Variants in ZFYVE19 observed in about 807,000 individuals in gnomAD.
ZFYVE19 encodes zinc finger FYVE-type containing 19.
Under a neutral mutation model 62.8 loss-of-function variants are expected in ZFYVE19, and 49 were observed. The ratio of observed to expected loss-of-function variants is 0.78; its 90% CI spans 0.62 to 0.99. The LOEUF (loss-of-function observed/expected upper bound fraction) is 0.99. Among genes scored for constraint, ZFYVE19 ranks in the 50% least tolerant of loss-of-function variants. ZFYVE19 has a pLI of 0.00. For synonymous variants in ZFYVE19, 242 were observed against 234.3 expected, an observed-to-expected ratio of 1.03 and a Z score of -0.30; for missense variants, 630 against 601.9, an observed-to-expected ratio of 1.05 and a Z score of -0.49.
At chr15:40,809,010 C>A in intron 1 of ZFYVE19, 109 bp from the exon 2 acceptor site, 1 of 1,514,288 alleles carries the variant, frequency 6.6e-7, no homozygotes, top group Admixed American at 1.9e-5. Context: ...TTCCTCCCAG[C>A]AGCTGGTCAT....
rs1890255051 is a variant in ZFYVE19, at chr15:40,807,109, G to A, written c.-481G>A. ...CTAGCGTTCCTTGCTGCCTCGCCCC[G>A]CGGCCTCTAGGAGACAGGGGCCACG... On this transcript the variant is annotated 5_prime_UTR_variant, in exon 1 of 11. Coordinates refer to ENST00000355341, the MANE Select transcript of ZFYVE19 (RefSeq NM_001077268.2). 2 of 803,304 alleles carry A rather than the reference G, an allele frequency of 2.5e-6. No homozygotes were observed. The highest frequency in any genetic ancestry group is 3.7e-5 in the South Asian group (2 of 53,782). 49.8% of individuals were successfully genotyped at this position (803,304 alleles called of 1,614,324 possible). A position where few individuals can be genotyped will look rare whatever the true frequency, so the allele number is the denominator to read the frequency against.
intron 2 of ZFYVE19, 55 bp from the exon 3 acceptor site, chr15:40,809,353 G>T (rs774049365): frequency 6.3e-5 from 102 of 1,613,586 alleles, no homozygotes; most frequent in Non-Finnish European, 8.1e-5. Flanking sequence ...TTTGGAGTGG[G>T]GGGCACTGCC....
chr15:40,808,578 C>A, intron 1 of ZFYVE19: 1 of 594,906 alleles, frequency 1.7e-6, no homozygotes, highest in South Asian at 2.3e-5. Flanking sequence ...CCTCTCTGGC[C>A]CTCTCAAAAT....
At position 40,814,374 on chromosome 15, in the gene ZFYVE19, G is replaced by A. The variant is rs1201011489; in HGVS notation, c.*148G>A. 1.1e-6 allele frequency: 1 copy of A among 888,460 alleles called. No homozygotes were observed. The highest frequency in any genetic ancestry group is 2.7e-5 in the East Asian group (1 of 37,648). 55.0% of individuals were successfully genotyped at this position (888,460 alleles called of 1,614,324 possible). ...TGAGCCTTGGTGTCCCTGGAATGAGGAAAGATTCTCCATTCGAGAGAATGA... is the reference window on the plus strand; with the variant it reads ...TGAGCCTTGGTGTCCCTGGAATGAGAAAAGATTCTCCATTCGAGAGAATGA... On this transcript the variant is annotated 3_prime_UTR_variant, in exon 11 of 11. Transcript: ENST00000355341.
rs866645484 is a variant in ZFYVE19 at position 40,809,011 on chromosome 15, A to G, written c.280-108A>G. The G allele has an allele frequency of 2.6e-5, 39 of 1,518,420 alleles. 2 individuals carry two copies. In the Middle Eastern group the frequency reaches 4.5e-3, roughly 177 times the overall value. 94.1% of individuals were successfully genotyped at this position (1,518,420 alleles called of 1,614,324 possible). A position where few individuals can be genotyped will look rare whatever the true frequency, so the allele number is the denominator to read the frequency against. On this transcript the variant is annotated intron_variant, in intron 1 of 10. Transcript: ENST00000355341. The stretch of plus-strand genomic sequence containing the variant: ...CCCCACTCCTCTTCTTCCTCCCAGC[A>G]GCTGGTCATAACTTCAGTGACTTCT...
intron 10 of ZFYVE19, 25 bp from the exon 11 acceptor site, chr15:40,814,123 T>A (rs1289622541): frequency 6.2e-7 from 1 of 1,614,232 alleles, no homozygotes; most frequent in Non-Finnish European, 8.5e-7. Context: ...CCTGGATCCC[T>A]GACTTGTATC....
Position 40,813,320 on chromosome 15 carries a change from C to T in ZFYVE19, c.1031-18C>T. On this transcript the variant is annotated intron_variant, in intron 7 of 10. Coordinates refer to ENST00000355341, the MANE Select transcript of ZFYVE19 (RefSeq NM_001077268.2). ...CTCTCACTCCCCCATCCCCTGTTCC[C>T]ATGTCTCCCTCTTCAAGTGACCCTC... The T allele has an allele frequency of 6.2e-7, 1 of 1,612,228 alleles. No homozygotes were observed.
chr15:40,811,625 A>C (rs1890490548), intron 6 of ZFYVE19, among the ~76,000 whole-genome samples: 1 of 152,164 alleles, frequency 6.6e-6, no homozygotes, highest in Admixed American at 6.5e-5. Flanking sequence ...AATCCTAAGC[A>C]CTTAAGGAGG....
At chr15:40,808,564 G>A (rs1890358793) in intron 1 of ZFYVE19, 2 of 733,174 alleles carry the variant, frequency 2.7e-6, no homozygotes, top group Non-Finnish European at 4.2e-6. Flanking sequence ...GATAAGTTAT[G>A]TAACCTCTCT....
chr15:40,808,462 G>T, intron 1 of ZFYVE19: 3 of 1,542,696 alleles, frequency 1.9e-6, no homozygotes. Flanking sequence ...CACGCAGGAA[G>T]GCAGGACCGT....
At chr15:40,812,518 C>T (rs1406408182) in intron 6 of ZFYVE19, among the ~76,000 whole-genome samples, 181 bp from the exon 7 acceptor site, 1 of 147,800 alleles carries the variant, frequency 6.8e-6, no homozygotes, top group Non-Finnish European at 1.5e-5. Flanking sequence ...TGCACTCCGG[C>T]CTGGGTGACA....
rs781072010 is a variant in ZFYVE19, at chr15:40,807,746, G to T, written c.157G>T (p.Gly53Cys). The T allele has an allele frequency of 1.3e-6, 2 of 1,592,254 alleles. No homozygotes were observed. The highest frequency in any genetic ancestry group is 1.1e-5 in the South Asian group (1 of 88,762). Residue 53 changes from glycine to cysteine, a missense_variant, in exon 1 of 11, where the codon GGT becomes TGT. By Grantham distance (159) the Gly-to-Cys change is radical. Coordinates refer to ENST00000355341, the MANE Select transcript of ZFYVE19 (RefSeq NM_001077268.2). The stretch of plus-strand genomic sequence containing the variant: ...AAGGGAAGGGCGGAGCTGGGGTGAG[G>T]GTCCAAGGGGCCCAGGACTTGGCCG... ...QGREGRSWGE[G>C]PRGPGLGRRD...
At position 40,814,301 on chromosome 15, in the gene ZFYVE19, C is replaced by T. The variant is rs1045728365; in HGVS notation, c.*75C>T. The T allele has an allele frequency of 2.0e-5, 31 of 1,539,648 alleles. No individual in the cohort carries two copies. The Admixed American group carries it at 2.1e-4, about 11-fold the overall frequency. ...TTTCTGGGCCCAGCCACAGGACGTC[C>T]GATGGGAGAGCTTGTCTGGCTCTAC... On this transcript the variant is annotated 3_prime_UTR_variant, in exon 11 of 11. Transcript: ENST00000355341.
chr15:40,807,153 G>C lies in ZFYVE19; in HGVS notation c.-437G>C, dbSNP rs575167731. ...GGCCACGGGGAGAGCACAGCCACCC[G>C]GCGCGAAGAGCCCTCTGTACCCCGC... On this transcript the variant is annotated 5_prime_UTR_variant, in exon 1 of 11. Transcript: ENST00000355341. The C allele has an allele frequency of 4.8e-5, 58 of 1,218,660 alleles. 1 individual carries two copies. Among genetic ancestry groups the C allele is most frequent in the Non-Finnish European group, 6.5e-5 (58 of 898,524 alleles). 75.5% of individuals were successfully genotyped at this position (1,218,660 alleles called of 1,614,324 possible). A position where few individuals can be genotyped will look rare whatever the true frequency, so the allele number is the denominator to read the frequency against.
chr15:40,814,449 T>C lies in ZFYVE19; in HGVS notation c.*223T>C, dbSNP rs553825906. The C allele has an allele frequency of 3.4e-6, 2 of 596,220 alleles. No homozygotes were observed. Among genetic ancestry groups the C allele is most frequent in the African/African-American group, 3.7e-5 (2 of 53,806 alleles). 36.9% of individuals were successfully genotyped at this position (596,220 alleles called of 1,614,324 possible). On this transcript the variant is annotated 3_prime_UTR_variant, in exon 11 of 11. Coordinates refer to ENST00000355341, the MANE Select transcript of ZFYVE19 (RefSeq NM_001077268.2). ...TCCTATTAGAAGCCCAGACTGGAAG[T>C]GAGAGGCATGATGGGGAGAGACCAG... is the stretch of plus-strand genomic sequence containing the variant.
rs1170183004 is a variant in ZFYVE19, at chr15:40,807,724, G to A, written c.135G>A (p.Arg45=). ...TGTGGGGCGGGGCAGGGCAGGGAAG[G>A]GAAGGGCGGAGCTGGGGTGAGGGTC... ...VGVWGGAGQG[R]EGRSWGEGPR... is the part of the protein sequence containing the mutation. Residue 45 remains arginine, a synonymous_variant, in exon 1 of 11, where the codon AGG becomes AGA. Coordinates refer to ENST00000355341, the MANE Select transcript of ZFYVE19 (RefSeq NM_001077268.2). The A allele has an allele frequency of 6.3e-7, 1 of 1,599,656 alleles. No individual in the cohort carries two copies. Among genetic ancestry groups the A allele is most frequent in the Admixed American group, 1.7e-5 (1 of 58,912 alleles).
At position 40,810,658 on chromosome 15, in the gene ZFYVE19, A is replaced by G; in HGVS notation, c.727A>G (p.Thr243Ala). The G allele has an allele frequency of 6.4e-7, 1 of 1,568,160 alleles. No individual in the cohort carries two copies. Among genetic ancestry groups the G allele is most frequent in the Non-Finnish European group, 8.6e-7 (1 of 1,156,306 alleles). The part of the protein sequence containing the change: ...PSQTPQPAHH[T>A]PDTRTQAQQT... ...TTCCTCGTCTGTGCAGGCACATCACACACCGGACACCAGGACCCAAGCCCA... is the reference window on the plus strand; with the variant it reads ...TTCCTCGTCTGTGCAGGCACATCACGCACCGGACACCAGGACCCAAGCCCA... Residue 243 changes from threonine to alanine, a missense_variant, in exon 6 of 11, where the codon ACA (threonine) becomes GCA (alanine). Transcript: ENST00000355341.
intron 2 of ZFYVE19, 81 bp from the exon 3 acceptor site, chr15:40,809,327 G>T: frequency 6.2e-7 from 1 of 1,613,668 alleles, no homozygotes; most frequent in South Asian, 1.1e-5. Context: ...TGTCGCGAGA[G>T]TCAGCCGAGG....
In ZFYVE19 at chr15:40,809,928, A is replaced by T. The variant is rs566729022; in HGVS notation, c.529A>T (p.Ile177Phe). Reference sequence around the variant, plus strand: ...GGGACTGACACGACAAGACCAGATGATTGCTGAGCGCCTAGCACGACTCCG... The same window carrying T: ...GGGACTGACACGACAAGACCAGATGTTTGCTGAGCGCCTAGCACGACTCCG... The part of the protein sequence containing the change: ...SQGLTRQDQM[I>F]AERLARLRQE... Residue 177 changes from isoleucine to phenylalanine, a missense_variant, in exon 4 of 11, where the codon ATT (isoleucine) becomes TTT (phenylalanine). Transcript: ENST00000355341. The T allele has an allele frequency of 1.2e-6, 2 of 1,614,076 alleles. No individual in the cohort carries two copies. The highest frequency in any genetic ancestry group is 1.7e-5 in the Admixed American group (1 of 60,012).
Sources: gnomAD v4.1 joint callset for allele counts (sites outside exome capture counted in the v4.1 genomes callset) on GRCh38, gnomAD v4.1.1 for gene constraint, MANE v1.5 for transcripts, NCBI Gene and HGNC (gene_info 2026-07-23, HGNC 2026-07-21) for gene names.